Variants in ASH2L observed in about 807,000 individuals in gnomAD.
ASH2L encodes the protein ASH2 like, histone lysine methyltransferase complex subunit.
A neutral mutation model predicts 81.1 loss-of-function variants in ASH2L; 30 were observed. That is an observed-to-expected ratio of 0.37 (90% confidence interval 0.28 to 0.50). The LOEUF (loss-of-function observed/expected upper bound fraction) is 0.50. Among genes scored for constraint, ASH2L ranks in the 20% least tolerant of loss-of-function variants. The pLI, the probability that ASH2L is intolerant of heterozygous loss-of-function variation, is 0.95. For missense variants in ASH2L, 559 were observed against 792.1 expected (o/e 0.71, Z 3.53); for synonymous variants, 273 against 279.9 (o/e 0.98, Z 0.24).
At chr8:38,127,742 CAAAA>C (rs780876575) in intron 10 of ASH2L, among the ~76,000 whole-genome samples, 2 of 67,958 alleles carry the variant, frequency 2.9e-5, no homozygotes, top group Non-Finnish European at 3.0e-5. Context: ...GACTCTGTCT[CAAAA>C]AAAAAAAAAA....
chr8:38,137,772 T>C (rs371245640), intron 14 of ASH2L: 1 of 150,406 alleles, frequency 6.6e-6, no homozygotes, highest in Non-Finnish European at 1.5e-5. Context: ...CATGTACTTT[T>C]AGTCTGTCAG....
chr8:38,109,267 A>G (rs1253743808), intron 3 of ASH2L, among the ~76,000 whole-genome samples: 1 of 152,186 alleles, frequency 6.6e-6, no homozygotes, highest in Non-Finnish European at 1.5e-5. Context: ...GCTTATCACA[A>G]TAGTCTGTTA....
chr8:38,107,058 AGGCGGGCTCCGT>A lies in ASH2L; in HGVS notation c.296_307del (p.Ala99_Val102del). 1 of 1,613,996 alleles carries A rather than the reference AGGCGGGCTCCGT, an allele frequency of 6.2e-7. No individual in the cohort carries two copies. Among genetic ancestry groups the A allele is most frequent in the African/African-American group, 1.3e-5 (1 of 74,942 alleles). On this transcript the variant is annotated inframe_deletion, in exon 3 of 16. Transcript: ENST00000343823. ...GATACATCAGAGGTGATGGATACTC[AGGCGGGCTCCGT>A]GGATGAAGAGAATGGCCGACAGTTG...
rs1470850933 is a variant in ASH2L, at chr8:38,121,017, C to T, written c.1033C>T (p.Leu345=). The stretch of plus-strand genomic sequence containing the variant: ...TAACAAAGATGGCTATCGGTATATT[C>T]TAGCTGAGCCTGATCCGCACGCCCC... ...PFNKDGYRYI[L]AEPDPHAPDP... The change falls in exon 10 of 16, where the codon CTA becomes TTA. Residue 345 remains leucine, a synonymous_variant. Transcript: ENST00000343823. 35 of 1,613,748 alleles carry T rather than the reference C, an allele frequency of 2.2e-5. No individual in the cohort carries two copies. The highest frequency in any genetic ancestry group is 2.9e-5 in the Non-Finnish European group (34 of 1,179,980).
intron 2 of ASH2L, among the ~76,000 whole-genome samples, chr8:38,106,711 A>T (rs1027437148): frequency 6.6e-6 from 1 of 151,816 alleles, no homozygotes; most frequent in Non-Finnish European, 1.5e-5. Flanking sequence ...GGGTTTCACC[A>T]TGTTGGCCAG....
chr8:38,113,918 CAG>C (rs1810788902), intron 5 of ASH2L, among the ~76,000 whole-genome samples: 1 of 152,156 alleles, frequency 6.6e-6, no homozygotes, highest in Non-Finnish European at 1.5e-5. Context: ...GGGACTGTGA[CAG>C]AGCTTTTCTC....
rs114800554 is a variant in ASH2L, at chr8:38,118,703, T to G, written c.854-567T>G. Among the ~76,000 whole-genome samples the G allele has an allele frequency of 7.8e-3, 1,182 of 152,364 alleles. 22 individuals carry two copies. Among genetic ancestry groups the G allele is most frequent in the African/African-American group, 0.026 (1,087 of 41,584 alleles). On this transcript the variant is annotated intron_variant, in intron 8 of 15. Transcript: ENST00000343823. ...GCAGTACTGGAGAGAAACACCTTTTTAGTACTTCTGTTTCCGTTTTCCATG... is the reference window on the plus strand; with the variant it reads ...GCAGTACTGGAGAGAAACACCTTTTGAGTACTTCTGTTTCCGTTTTCCATG...
rs546813181 is a variant in ASH2L, at chr8:38,105,643, G to A, written c.93G>A (p.Glu31=). The A allele has an allele frequency of 1.3e-6, 2 of 1,599,604 alleles. No homozygotes were observed. The highest frequency in any genetic ancestry group is 1.1e-5 in the South Asian group (1 of 89,756). ...VANATGAEEG[E]MKPVAAGAAA... Reference sequence around the variant, plus strand: ...ATGCAACAGGGGCAGAAGAGGGGGAGATGAAGCCGGTGGCAGCGGGAGCAG... The same window carrying A: ...ATGCAACAGGGGCAGAAGAGGGGGAAATGAAGCCGGTGGCAGCGGGAGCAG... Residue 31 remains glutamate (E), a synonymous_variant, in exon 1 of 16, where the codon GAG becomes GAA. Coordinates refer to ENST00000343823, the MANE Select transcript of ASH2L (RefSeq NM_004674.5).
At chr8:38,120,367 T>C (rs1811085880) in intron 9 of ASH2L, among the ~76,000 whole-genome samples, 1 of 152,144 alleles carries the variant, frequency 6.6e-6, no homozygotes, top group Admixed American at 6.5e-5. Flanking sequence ...TCATGCCTTT[T>C]CCCTTCCCTT....
chr8:38,127,190 G>A (rs1040344076), intron 10 of ASH2L, among the ~76,000 whole-genome samples: 10 of 149,606 alleles, frequency 6.7e-5, no homozygotes, highest in Non-Finnish European at 1.3e-4. Flanking sequence ...CTAGTCAAGA[G>A]GCTAGCCACA....
At chr8:38,108,474 G>A (rs1388592605) in intron 3 of ASH2L, among the ~76,000 whole-genome samples, 6 of 150,390 alleles carry the variant, frequency 4.0e-5, no homozygotes, top group African/African-American at 1.5e-4. Context: ...AATTTCAAAA[G>A]TTATATCTAA....
chr8:38,113,810 GAGGTCCCTTT>G (rs1458862121), intron 5 of ASH2L, among the ~76,000 whole-genome samples: 4 of 152,190 alleles, frequency 2.6e-5, no homozygotes, highest in Non-Finnish European at 4.4e-5. Context: ...CAAGAAGTTT[GAGGTCCCTTT>G]AGGATGTCCA....
chr8:38,107,722 C>G lies in ASH2L; in HGVS notation c.401+556C>G, dbSNP rs115990499. 9.4e-3 allele frequency among the ~76,000 whole-genome samples: 1,433 copies of G among 152,184 alleles called. 24 individuals carry two copies. Among genetic ancestry groups the G allele is most frequent in the African/African-American group, 0.033 (1,367 of 41,514 alleles). On this transcript the variant is annotated intron_variant, in intron 3 of 15. Coordinates refer to ENST00000343823, the MANE Select transcript of ASH2L (RefSeq NM_004674.5). ...AGACTTTTTTCCTTATACTGACTGT[C>G]TGTTGGAATAATTGTACTGCTCGCT... is the stretch of plus-strand genomic sequence containing the variant.
intron 8 of ASH2L, among the ~76,000 whole-genome samples, chr8:38,118,053 T>C (rs1268076906): frequency 6.6e-6 from 1 of 152,202 alleles, no homozygotes; most frequent in African/African-American, 2.4e-5. Context: ...AGCAAGACTC[T>C]GTCTCAAAAA....
chr8:38,107,592 T>C (rs1327440332), intron 3 of ASH2L, among the ~76,000 whole-genome samples: 4 of 152,178 alleles, frequency 2.6e-5, no homozygotes, highest in Non-Finnish European at 4.4e-5. Flanking sequence ...TTCTCATTGC[T>C]GCTGACTCAC....
chr8:38,136,390 A>T (rs200176620), intron 14 of ASH2L, among the ~76,000 whole-genome samples: 30 of 78,644 alleles, frequency 3.8e-4, no homozygotes, highest in African/African-American at 1.1e-3. Flanking sequence ...TTTTTTTTTT[A>T]AATATGATCC....
intron 10 of ASH2L, among the ~76,000 whole-genome samples, chr8:38,125,133 G>T (rs1020460129): frequency 4.6e-5 from 7 of 152,040 alleles, no homozygotes; most frequent in African/African-American, 7.2e-5. Context: ...CTCCAACATT[G>T]TGATCAAATT....
rs1475045254 is a variant in ASH2L at position 38,135,739 on chromosome 8, A to G, written c.1692A>G (p.Pro564=). 3 of 1,613,272 alleles carry G rather than the reference A, an allele frequency of 1.9e-6. No individual in the cohort carries two copies. The highest frequency in any genetic ancestry group is 2.2e-5 in the South Asian group (2 of 90,902). The stretch of plus-strand genomic sequence containing the variant: ...ATATTTTTGAGGGGGTTTACTTCCC[A>G]GCCATCTCACTGTACAAGAGCTGCA... ...YKDIFEGVYF[P]AISLYKSCTV... The change falls in exon 14 of 16, where the codon CCA becomes CCG. Residue 564 remains proline, a synonymous_variant. Transcript: ENST00000343823.
In ASH2L at chr8:38,130,294, T is replaced by G. The variant is rs545374026; in HGVS notation, c.1527+1343T>G. 7.4e-3 allele frequency among the ~76,000 whole-genome samples: 1,107 copies of G among 149,928 alleles called. 8 individuals are homozygous for G. The highest frequency in any genetic ancestry group is 0.024 in the Middle Eastern group (7 of 292). On this transcript the variant is annotated intron_variant, in intron 12 of 15. Coordinates refer to ENST00000343823, the MANE Select transcript of ASH2L (RefSeq NM_004674.5). ...AACAGGTTTGGTATTTTTTGTTTTT[T>G]TTTTTTTTTCCATGTTGCCCAGGCT...
Sources: gnomAD v4.1 joint callset for allele counts (sites outside exome capture counted in the v4.1 genomes callset) on GRCh38, gnomAD v4.1.1 for gene constraint, MANE v1.5 for transcripts, NCBI Gene and HGNC (gene_info 2026-07-23, HGNC 2026-07-21) for gene names.